RBFOX1: variants seen among roughly 807,000 people sequenced by gnomAD.
RBFOX1 encodes the protein RNA binding fox-1 homolog 1.
Under a neutral mutation model 57.7 loss-of-function variants are expected in RBFOX1, and 8 were observed. The observed-to-expected ratio is 0.14, with a 90% CI of 0.08 to 0.25. The LOEUF is 0.25. Ranked by LOEUF, RBFOX1 falls within the 10% of genes least tolerant of loss-of-function variation. The pLI, the probability that RBFOX1 is intolerant of heterozygous loss-of-function variation, is 1.00. For synonymous variants in RBFOX1, 326 were observed against 222.4 expected (o/e 1.47, Z -4.15); for missense variants, 611 against 548.5 (o/e 1.11, Z -1.14).
At chr16:7,056,054 A>G (rs2052113232) in intron 4 of RBFOX1, among the ~76,000 whole-genome samples, 1 of 151,988 alleles carries the variant, frequency 6.6e-6, no homozygotes, top group Non-Finnish European at 1.5e-5. Context: ...TGTAATTTGG[A>G]CTGCACTGGA....
At chr16:6,234,458 A>G (rs546037116) in intron 1 of RBFOX1, among the ~76,000 whole-genome samples, 1 of 152,166 alleles carries the variant, frequency 6.6e-6, no homozygotes, top group African/African-American at 2.4e-5. Flanking sequence ...GCCACTTAGC[A>G]TGGTGATGTC....
At chr16:5,428,683 C>T (rs1325900814) in intron 1 of RBFOX1, among the ~76,000 whole-genome samples, 1 of 152,034 alleles carries the variant, frequency 6.6e-6, no homozygotes, top group Non-Finnish European at 1.5e-5. Flanking sequence ...AGGAGCTGGC[C>T]AGTGGACATC....
intron 4 of RBFOX1, among the ~76,000 whole-genome samples, chr16:7,134,204 T>C (rs2071290218): frequency 1.3e-5 from 2 of 152,292 alleles, no homozygotes; most frequent in East Asian, 3.9e-4. Flanking sequence ...AGATGAAATT[T>C]ATTGAGATTT....
chr16:7,237,137 A>G (rs1367467460), intron 4 of RBFOX1, among the ~76,000 whole-genome samples: 1 of 152,200 alleles, frequency 6.6e-6, no homozygotes, highest in Non-Finnish European at 1.5e-5. Context: ...TACAGCCGCC[A>G]ACCCAAATGT....
rs77836548 is a variant in RBFOX1, at chr16:5,487,954, G to A, written c.258+20700G>A. Reference sequence around the variant, plus strand: ...ATGATAATTATGGTAGTGGTGGTGGGGAGAAGATGATTATGGTGAAGACGA... The same window carrying A: ...ATGATAATTATGGTAGTGGTGGTGGAGAGAAGATGATTATGGTGAAGACGA... On this transcript the variant is annotated intron_variant, in intron 2 of 2. Coordinates refer to the RBFOX1 transcript ENST00000585867. 7.6e-3 allele frequency among the ~76,000 whole-genome samples: 1,151 copies of A among 152,118 alleles called. 11 individuals are homozygous for A. The highest frequency in any genetic ancestry group is 0.026 in the African/African-American group (1,090 of 41,484).
intron 3 of RBFOX1, among the ~76,000 whole-genome samples, chr16:6,886,474 C>T (rs147486501): frequency 6.6e-6 from 1 of 151,838 alleles, no homozygotes. Context: ...AAATGTAGGC[C>T]CAGCGCGGTG....
chr16:6,396,428 A>G (rs191688912), intron 2 of RBFOX1, among the ~76,000 whole-genome samples: 125 of 152,330 alleles, frequency 8.2e-4, no homozygotes, highest in Admixed American at 3.9e-3. Context: ...TCAATGAAAG[A>G]CACATAGATA....
At chr16:5,263,660 C>G (rs1157541070) in intron 1 of RBFOX1, among the ~76,000 whole-genome samples, 3 of 151,774 alleles carry the variant, frequency 2.0e-5, no homozygotes, top group African/African-American at 7.3e-5. Flanking sequence ...GGATGCTTCT[C>G]CTTATGAGAT....
chr16:6,840,897 A>AAAAAAAAAAAAAAAAAAG (rs751671784), intron 3 of RBFOX1, among the ~76,000 whole-genome samples: 35 of 137,478 alleles, frequency 2.5e-4, no homozygotes, highest in South Asian at 6.9e-4. Flanking sequence ...CAAAAAAAAA[A>AAAAAAAAAAAAAAAAAAG]AAAAAAACGA....
At chr16:7,302,601 C>G (rs2096060430) in intron 4 of RBFOX1, among the ~76,000 whole-genome samples, 1 of 150,114 alleles carries the variant, frequency 6.7e-6, no homozygotes, top group East Asian at 1.9e-4. Context: ...AAAAAAGCTG[C>G]TGTTTAGACA....
intron 4 of RBFOX1, among the ~76,000 whole-genome samples, chr16:7,160,355 C>T (rs187149861): frequency 1.4e-4 from 22 of 152,204 alleles, no homozygotes; most frequent in South Asian, 2.1e-4. Flanking sequence ...AAAAAGTAAA[C>T]GAATAAACCA....
chr16:6,636,290 C>T lies in RBFOX1; in HGVS notation c.-63-18313C>T, dbSNP rs966222178. ...GGTTCATGCCATTCTCCTGCCTCAG[C>T]CTCCCGAGTAGCTGGGACTAGAGGC... On this transcript the variant is annotated intron_variant, in intron 2 of 15. Transcript: ENST00000550418. Among the ~76,000 whole-genome samples, 10 of 152,226 alleles carry T rather than the reference C, an allele frequency of 6.6e-5. No individual in the cohort carries two copies. The South Asian group carries it at 1.9e-3, about 28-fold the overall frequency.
intron 3 of RBFOX1, among the ~76,000 whole-genome samples, chr16:6,766,666 C>T (rs1412554241): frequency 6.6e-6 from 1 of 151,932 alleles, no homozygotes; most frequent in East Asian, 1.9e-4. Context: ...TCTAATTAGC[C>T]ACATGTGGCC....
chr16:6,583,761 C>G (rs2097568893), intron 2 of RBFOX1, among the ~76,000 whole-genome samples: 2 of 152,244 alleles, frequency 1.3e-5, no homozygotes, highest in South Asian at 2.1e-4. Context: ...CTGCTGCAGC[C>G]TAATGAAACT....
chr16:6,640,435 C>G (rs1054037364), intron 2 of RBFOX1, among the ~76,000 whole-genome samples: 11 of 151,956 alleles, frequency 7.2e-5, no homozygotes, highest in African/African-American at 2.2e-4. Flanking sequence ...ATGGTCAAAC[C>G]CCATGTCTGC....
At chr16:6,711,582 A>G (rs1454574239) in intron 3 of RBFOX1, among the ~76,000 whole-genome samples, 2 of 152,204 alleles carry the variant, frequency 1.3e-5, no homozygotes, top group African/African-American at 2.4e-5. Flanking sequence ...CTCTCCTGAC[A>G]CCATGTAAGA....
chr16:6,423,094 A>T (rs547174487), intron 2 of RBFOX1, among the ~76,000 whole-genome samples: 2 of 152,178 alleles, frequency 1.3e-5, no homozygotes, highest in African/African-American at 2.4e-5. Context: ...TGTATTCACA[A>T]TTGTGAACAG....
intron 4 of RBFOX1, among the ~76,000 whole-genome samples, chr16:7,098,490 T>G (rs879926160): frequency 1.3e-5 from 2 of 152,194 alleles, no homozygotes; most frequent in African/African-American, 4.8e-5. Flanking sequence ...CTTATTCTAT[T>G]CATTCATTTG....
At chr16:5,857,329 C>A (rs1010412604) in intron 3 of RBFOX1, among the ~76,000 whole-genome samples, 1 of 152,048 alleles carries the variant, frequency 6.6e-6, no homozygotes, top group African/African-American at 2.4e-5. Flanking sequence ...ATAACTGTAA[C>A]AGATGTAATA....
Sources: gnomAD v4.1 joint callset for allele counts (sites outside exome capture counted in the v4.1 genomes callset) on GRCh38, gnomAD v4.1.1 for gene constraint, MANE v1.5 for transcripts, NCBI Gene and HGNC (gene_info 2026-07-23, HGNC 2026-07-21) for gene names.